Variants in CNN1 observed in about 807,000 individuals in gnomAD.
The protein encoded by CNN1 is calponin 1, also known as calponin-1.
A neutral mutation model predicts 35.3 loss-of-function variants in CNN1; 21 were observed. The ratio of observed to expected loss-of-function variants is 0.60; its 90% CI spans 0.42 to 0.86. The LOEUF (loss-of-function observed/expected upper bound fraction) is 0.86, where lower values mean the gene tolerates loss of function less well. Among genes scored for constraint, CNN1 ranks in the 40% least tolerant of loss-of-function variants. CNN1 has a pLI of 0.00. For missense variants in CNN1, 314 were observed against 400.8 expected, an observed-to-expected ratio of 0.78 and a Z score of 1.85; for synonymous variants, 164 against 161.8, an observed-to-expected ratio of 1.01 and a Z score of -0.10.
At position 11,549,437 on chromosome 19, in the gene CNN1, C is replaced by T. The variant is rs1305712127; in HGVS notation, c.616C>T (p.Leu206=). The part of the protein sequence containing the change: ...DQPLDQATIS[L]QMGTNKGASQ... ...GCCTCTGGACCAGGCGACCATCAGC[C>T]TGCAGATGGGCACCAACAAAGGAGC... Residue 206 remains leucine (L), a synonymous_variant, in exon 6 of 7, where the codon CTG becomes TTG. Coordinates refer to ENST00000252456, the MANE Select transcript of CNN1 (RefSeq NM_001299.6). This position sits in a 1 kb window ranked among gnomAD's most constrained non-coding sequence, Gnocchi z 5.2. 2 of 1,613,992 alleles carry T rather than the reference C, an allele frequency of 1.2e-6. No individual in the cohort carries two copies. Among genetic ancestry groups the T allele is most frequent in the Non-Finnish European group, 1.7e-6 (2 of 1,179,980 alleles).
chr19:11,549,852 G>T lies in CNN1; in HGVS notation c.*57G>T. 6.4e-7 allele frequency: 1 copy of T among 1,553,580 alleles called. No homozygotes were observed. On this transcript the variant is annotated 3_prime_UTR_variant, in exon 7 of 7. Coordinates refer to ENST00000252456, the MANE Select transcript of CNN1 (RefSeq NM_001299.6). The surrounding 1 kb of genome is among the most constrained non-coding windows in gnomAD (Gnocchi z 5.2). ...GGGAGGCTGCTGCTGCTCTTGGCTG[G>T]ACCCAGCCAGGCCCAGCCGACCCCC... is the stretch of plus-strand genomic sequence containing the variant.
In CNN1 at chr19:11,550,023, T is replaced by G. The variant is rs552220753; in HGVS notation, c.*228T>G. On this transcript the variant is annotated 3_prime_UTR_variant, in exon 7 of 7. Coordinates refer to ENST00000252456, the MANE Select transcript of CNN1 (RefSeq NM_001299.6). ...ACAGGGTCCAACATAGAGCCGGGTG[T>G]CCCCAACAGCGCCCAAAGGACGCAC... is the stretch of plus-strand genomic sequence containing the variant. The G allele has an allele frequency of 9.0e-5, 49 of 547,222 alleles. No homozygotes were observed. Among genetic ancestry groups the G allele is most frequent in the Non-Finnish European group, 1.3e-4 (44 of 327,296 alleles). The allele number at this position is 547,222 out of a possible 1,614,324, so 33.9% of individuals were successfully genotyped here.
chr19:11,542,496 C>T (rs1426912664), intron 2 of CNN1, among the ~76,000 whole-genome samples: 1 of 152,024 alleles, frequency 6.6e-6, no homozygotes, highest in Non-Finnish European at 1.5e-5. Flanking sequence ...CCCTGCCGGC[C>T]CTGGTTTTCT....
At chr19:11,543,953 C>A (rs561189659) in intron 2 of CNN1, among the ~76,000 whole-genome samples, 1 of 151,380 alleles carries the variant, frequency 6.6e-6, no homozygotes, top group African/African-American at 2.4e-5. Flanking sequence ...CCACGCACTC[C>A]GGTCATTCAC....
intron 5 of CNN1, among the ~76,000 whole-genome samples, chr19:11,548,984 C>T (rs184912781): frequency 1.3e-5 from 2 of 151,982 alleles, no homozygotes; most frequent in Admixed American, 6.6e-5. Context: ...GTCAGGAGTT[C>T]GAGACCAGCG....
intron 2 of CNN1, among the ~76,000 whole-genome samples, chr19:11,544,162 T>C (rs1972528433): frequency 6.6e-6 from 1 of 151,744 alleles, no homozygotes; most frequent in African/African-American, 2.4e-5. Flanking sequence ...TGGGGAAAAC[T>C]CAAGCGGAAG....
chr19:11,549,389 G>A lies in CNN1; in HGVS notation c.568G>A (p.Asp190Asn), dbSNP rs560009499. ...TAYGTRRHLY[D>N]PKLGTDQPLD... ...CTATGGCACCCGGCGCCACCTCTACGACCCCAAGCTGGGCACAGACCAGCC... is the reference window on the plus strand; with the variant it reads ...CTATGGCACCCGGCGCCACCTCTACAACCCCAAGCTGGGCACAGACCAGCC... Residue 190 changes from aspartate (D) to asparagine (N), a missense_variant, in exon 6 of 7, where the codon GAC (aspartate) becomes AAC (asparagine). Physicochemically the swap from Asp to Asn is conservative, Grantham distance 23. Coordinates refer to ENST00000252456, the MANE Select transcript of CNN1 (RefSeq NM_001299.6). This position sits in a 1 kb window ranked among gnomAD's most constrained non-coding sequence, Gnocchi z 5.2. The A allele has an allele frequency of 7.4e-6, 12 of 1,613,800 alleles. No individual in the cohort carries two copies. The African/African-American group carries it at 8.0e-5, about 11-fold the overall frequency.
At chr19:11,547,109 C>A in intron 4 of CNN1, 140 bp downstream of exon 4, 1 of 1,300,920 alleles carries the variant, frequency 7.7e-7, no homozygotes, top group Non-Finnish European at 1.1e-6. Flanking sequence ...CAACAGCGTC[C>A]AAGGGGGCCG....
In CNN1 at chr19:11,549,609, G is replaced by A. The variant is rs1176953511; in HGVS notation, c.708G>A (p.Glu236=). 6.2e-7 allele frequency: 1 copy of A among 1,610,486 alleles called. No homozygotes were observed. The highest frequency in any genetic ancestry group is 1.1e-5 in the South Asian group (1 of 90,822). ...RQIFEPGLGM[E]HCDTLNVSLQ... is the part of the protein sequence containing the mutation. ...TCTTCGAGCCGGGGCTGGGCATGGA[G>A]CACTGCGACACGCTCAATGTCAGCC... Residue 236 remains glutamate (E), a synonymous_variant, in exon 7 of 7, where the codon GAG becomes GAA. Transcript: ENST00000252456. The surrounding 1 kb of genome is among the most constrained non-coding windows in gnomAD (Gnocchi z 5.2).
intron 1 of CNN1, chr19:11,539,567 C>G (rs909106752): frequency 2.0e-6 from 2 of 1,021,614 alleles, no homozygotes; most frequent in African/African-American, 3.5e-5. Context: ...CCAGGTAAAG[C>G]AGGTACAGCG....
Position 11,547,848 on chromosome 19 carries a change from C to G in CNN1, c.442C>G (p.Gln148Glu). The change falls in exon 5 of 7, where the codon CAG (glutamine) becomes GAG (glutamate). Residue 148 changes from glutamine to glutamate, a missense_variant. By Grantham distance (29) the Gln-to-Glu change is conservative. Coordinates refer to ENST00000252456, the MANE Select transcript of CNN1 (RefSeq NM_001299.6). ...CGTGGGAGTGAAGTACGCAGAGAAG[C>G]AGGAGCGGAAATTCGAGCCGGGGAA... ...VNVGVKYAEK[Q>E]ERKFEPGKLR... 6.2e-7 allele frequency: 1 copy of G among 1,614,064 alleles called. No homozygotes were observed. The highest frequency in any genetic ancestry group is 8.5e-7 in the Non-Finnish European group (1 of 1,179,978).
At position 11,546,731 on chromosome 19, in the gene CNN1, A is replaced by G; in HGVS notation, c.242A>G (p.Asn81Ser). ...AAGAAGATCAATGAGTCAACCCAAA[A>G]TTGGCACCAGGTGAGCCCAGACACA... ...SVKKINESTQ[N>S]WHQLENIGNF... Residue 81 changes from asparagine (N) to serine (S), a missense_variant, in exon 3 of 7, where the codon AAT becomes AGT. Asn to Ser is a conservative substitution (Grantham distance 46). Transcript: ENST00000252456. 9.9e-6 allele frequency: 16 copies of G among 1,614,100 alleles called. No homozygotes were observed. The highest frequency in any genetic ancestry group is 1.4e-5 in the Non-Finnish European group (16 of 1,180,024).
At position 11,541,126 on chromosome 19, in the gene CNN1, C is replaced by G; in HGVS notation, c.114C>G (p.Ile38Met). 1.2e-6 allele frequency: 2 copies of G among 1,609,952 alleles called. No homozygotes were observed. Among genetic ancestry groups the G allele is most frequent in the South Asian group, 2.2e-5 (2 of 90,774 alleles). ...GGGAGCAGGAGCTGAGAGAGTGGATCGAGGGGGTGACAGGCCGTCGCATCG... is the reference window on the plus strand; with the variant it reads ...GGGAGCAGGAGCTGAGAGAGTGGATGGAGGGGGTGACAGGCCGTCGCATCG... ...HQREQELREW[I>M]EGVTGRRIGN... The change falls in exon 2 of 7, where the codon ATC becomes ATG. Residue 38 changes from isoleucine (I) to methionine (M), a missense_variant. Ile to Met is a conservative substitution (Grantham distance 10). Coordinates refer to ENST00000252456, the MANE Select transcript of CNN1 (RefSeq NM_001299.6).
At chr19:11,540,325 C>T in intron 1 of CNN1, 1 of 155,228 alleles carries the variant, frequency 6.4e-6, no homozygotes, top group East Asian at 1.9e-4. Flanking sequence ...CCACCCCCAC[C>T]CCAGGCAGGA....
rs10412408 is a variant in CNN1 at position 11,539,189 on chromosome 19, G to T, written c.63+199G>T. ...CCCAGCTATGGTTGGGGCTGGAATG[G>T]GGGGGCACACAGCCACACATAAACA... On this transcript the variant is annotated intron_variant, in intron 1 of 6. Coordinates refer to ENST00000252456, the MANE Select transcript of CNN1 (RefSeq NM_001299.6). 2.8e-3 allele frequency: 3,406 copies of T among 1,224,698 alleles called. 58 individuals carry two copies. The African/African-American group carries it at 0.041, about 15-fold the overall frequency. The allele number at this position is 1,224,698 out of a possible 1,614,324, so 75.9% of individuals were successfully genotyped here. A position where few individuals can be genotyped will look rare whatever the true frequency, so the allele number is the denominator to read the frequency against.
intron 1 of CNN1, chr19:11,539,230 T>C: frequency 7.9e-7 from 1 of 1,262,122 alleles, no homozygotes; most frequent in Non-Finnish European, 1.0e-6. Flanking sequence ...GGTCAGTCCA[T>C]TGCAAAGATA....
chr19:11,540,183 G>A, intron 1 of CNN1: 1 of 465,734 alleles, frequency 2.1e-6, no homozygotes, highest in Non-Finnish European at 2.8e-6. Flanking sequence ...GGAAAAGCAG[G>A]GAGGTGGGGG....
At chr19:11,541,894 A>ATTTTTTTTT (rs1316408768) in intron 2 of CNN1, 1 of 112,284 alleles carries the variant, frequency 8.9e-6, no homozygotes, top group African/African-American at 3.9e-5. Flanking sequence ...TGCCCGGTTA[A>ATTTTTTTTT]TTTTTGTTTT....
intron 2 of CNN1, among the ~76,000 whole-genome samples, chr19:11,545,957 C>A (rs1972571434): frequency 6.6e-6 from 1 of 151,462 alleles, no homozygotes; most frequent in South Asian, 2.1e-4. Flanking sequence ...CAAAGCCACA[C>A]CCTGCATCAA....
Sources: gnomAD v4.1 joint callset for allele counts (sites outside exome capture counted in the v4.1 genomes callset) on GRCh38, gnomAD v4.1.1 for gene constraint, Gnocchi (gnomAD v3.1) non-coding constraint, MANE v1.5 for transcripts, NCBI Gene and HGNC (gene_info 2026-07-23, HGNC 2026-07-21) for gene names.